The following SMAP1 variants were observed in gnomAD, a reference collection of about 807,000 sequenced individuals.
SMAP1 encodes the protein small ArfGAP 1, also known as stromal membrane-associated protein 1.
A neutral mutation model predicts 58.5 loss-of-function variants in SMAP1; 24 were observed. The observed-to-expected ratio is 0.41, with a 90% CI of 0.30 to 0.58. The LOEUF is 0.58. Among genes scored for constraint, SMAP1 ranks in the 20% least tolerant of loss-of-function variants. The probability of loss-of-function intolerance (pLI) is 0.29; values close to 1 mark genes in which losing one functional copy is unlikely to be tolerated. For missense variants in SMAP1, 563 were observed against 566.3 expected, an observed-to-expected ratio of 0.99 and a Z score of 0.06; for synonymous variants, 216 against 196.6, an observed-to-expected ratio of 1.10 and a Z score of -0.82.
chr6:70,839,056 C>T (rs1052750197), intron 7 of SMAP1, among the ~76,000 whole-genome samples: 3 of 151,964 alleles, frequency 2.0e-5, no homozygotes, highest in East Asian at 1.9e-4. Context: ...AGTTGACAAA[C>T]GGTATGAGTG....
intron 7 of SMAP1, chr6:70,837,778 T>C (rs1246659527): frequency 2.0e-5 from 24 of 1,222,644 alleles, no homozygotes; most frequent in Non-Finnish European, 2.5e-5. Context: ...TCTTTTTTTT[T>C]AGTTTGGAGA....
At chr6:70,805,792 G>A (rs1769099118) in intron 6 of SMAP1, among the ~76,000 whole-genome samples, 1 of 152,186 alleles carries the variant, frequency 6.6e-6, no homozygotes, top group Non-Finnish European at 1.5e-5. Context: ...GTTTGCTGGA[G>A]GTCTACTGTG....
At chr6:70,791,949 T>C (rs558744157) in intron 5 of SMAP1, among the ~76,000 whole-genome samples, 180 bp downstream of exon 5, 2 of 152,330 alleles carry the variant, frequency 1.3e-5, no homozygotes, top group South Asian at 4.1e-4. Context: ...ACTTTGAATC[T>C]ATATTTAATT....
chr6:70,830,640 A>C (rs181511263), intron 6 of SMAP1, among the ~76,000 whole-genome samples: 1 of 152,208 alleles, frequency 6.6e-6, no homozygotes, highest in East Asian at 1.9e-4. Context: ...TTCTTATGTT[A>C]TAGGCAAACC....
intron 6 of SMAP1, among the ~76,000 whole-genome samples, chr6:70,822,431 G>C (rs1408934354): frequency 6.6e-6 from 1 of 152,166 alleles, no homozygotes; most frequent in Admixed American, 6.5e-5. Context: ...AGTAGTGGCT[G>C]TGCTGAGAAT....
intron 1 of SMAP1, among the ~76,000 whole-genome samples, chr6:70,669,253 C>T (rs576020324): frequency 3.4e-4 from 52 of 152,122 alleles, no homozygotes; most frequent in Admixed American, 6.5e-4. Flanking sequence ...TTTAAGATTT[C>T]TGTGTTATTT....
intron 1 of SMAP1, chr6:70,694,142 A>G (rs1767301486): frequency 8.3e-6 from 3 of 359,988 alleles, no homozygotes; most frequent in Non-Finnish European, 1.6e-5. Flanking sequence ...TACATCTTGA[A>G]TGCTACATCC....
At chr6:70,822,948 G>A (rs1011877573) in intron 6 of SMAP1, among the ~76,000 whole-genome samples, 13 of 151,848 alleles carry the variant, frequency 8.6e-5, no homozygotes, top group African/African-American at 2.4e-4. Flanking sequence ...CACCAAAAGC[G>A]TTCTTCAATT....
rs930906339 is a variant in SMAP1 at position 70,860,856 on chromosome 6, T to C, written c.*522T>C. ...CACTGTGCTGTTGTTATGATGTGCT[T>C]AACAGGGAACGTGATTAGTGAAAGG... is the stretch of plus-strand genomic sequence containing the variant. On this transcript the variant is annotated 3_prime_UTR_variant, in exon 11 of 11. Coordinates refer to ENST00000370455, the MANE Select transcript of SMAP1 (RefSeq NM_001044305.3). 2 of 394,814 alleles carry C rather than the reference T, an allele frequency of 5.1e-6. No homozygotes were observed. The highest frequency in any genetic ancestry group is 4.1e-5 in the African/African-American group (2 of 48,546). 24.5% of individuals were successfully genotyped at this position (394,814 alleles called of 1,614,324 possible).
At chr6:70,793,744 A>G (rs1768471589) in intron 5 of SMAP1, among the ~76,000 whole-genome samples, 1 of 151,906 alleles carries the variant, frequency 6.6e-6, no homozygotes, top group East Asian at 1.9e-4. Flanking sequence ...TTTTTGAGAC[A>G]GAGTTTCGCT....
At chr6:70,691,162 C>G (rs1178353091) in intron 1 of SMAP1, among the ~76,000 whole-genome samples, 1 of 152,230 alleles carries the variant, frequency 6.6e-6, no homozygotes, top group African/African-American at 2.4e-5. Context: ...TCTATCATTG[C>G]TGATATTGGT....
chr6:70,817,620 A>G (rs899480716), intron 6 of SMAP1, among the ~76,000 whole-genome samples: 4 of 152,220 alleles, frequency 2.6e-5, no homozygotes, highest in Admixed American at 1.3e-4. Flanking sequence ...GTTTGTTTTT[A>G]TTGTTATCCC....
At chr6:70,788,480 A>C (rs543381091) in intron 4 of SMAP1, among the ~76,000 whole-genome samples, 21 of 152,186 alleles carry the variant, frequency 1.4e-4, no homozygotes, top group East Asian at 7.7e-4. Flanking sequence ...ATAAAAAAAA[A>C]CTTACATATT....
intron 1 of SMAP1, among the ~76,000 whole-genome samples, chr6:70,682,759 C>A (rs985388265): frequency 3.9e-5 from 6 of 152,172 alleles, no homozygotes; most frequent in Non-Finnish European, 7.4e-5. Context: ...AATGGCTAGG[C>A]AAGTGCTGTG....
At chr6:70,817,361 C>G (rs746689001) in intron 6 of SMAP1, among the ~76,000 whole-genome samples, 10 of 151,892 alleles carry the variant, frequency 6.6e-5, no homozygotes, top group Non-Finnish European at 1.3e-4. Context: ...AAGGAAAGAT[C>G]AATTTGAGGT....
intron 6 of SMAP1, among the ~76,000 whole-genome samples, chr6:70,822,487 T>C (rs1769932672): frequency 1.3e-5 from 2 of 152,152 alleles, no homozygotes; most frequent in African/African-American, 4.8e-5. Flanking sequence ...TTAACCAATA[T>C]GCTATATGGC....
chr6:70,679,191 G>A (rs1352172408), intron 1 of SMAP1, among the ~76,000 whole-genome samples: 1 of 151,934 alleles, frequency 6.6e-6, no homozygotes, highest in Non-Finnish European at 1.5e-5. Context: ...CCTAATTTTT[G>A]TATTTTTGGT....
At chr6:70,686,284 A>G (rs1022728129) in intron 1 of SMAP1, among the ~76,000 whole-genome samples, 1 of 152,230 alleles carries the variant, frequency 6.6e-6, no homozygotes, top group South Asian at 2.1e-4. Flanking sequence ...CCTTTGCCAC[A>G]TTTCATTGCT....
At chr6:70,816,834 A>G (rs1769650171) in intron 6 of SMAP1, among the ~76,000 whole-genome samples, 1 of 152,172 alleles carries the variant, frequency 6.6e-6, no homozygotes, top group South Asian at 2.1e-4. Context: ...AGATTTTTTA[A>G]AACTAATGAT....
Sources: gnomAD v4.1 joint callset for allele counts (sites outside exome capture counted in the v4.1 genomes callset) on GRCh38, gnomAD v4.1.1 for gene constraint, MANE v1.5 for transcripts, NCBI Gene and HGNC (gene_info 2026-07-23, HGNC 2026-07-21) for gene names.